Variants in TGFB2 observed in about 807,000 individuals in gnomAD.
TGFB2 encodes the protein transforming growth factor beta-2 proprotein.
TGFB2 carries 13 observed loss-of-function variants against 42.7 expected under a neutral mutation model. That is an observed-to-expected ratio of 0.30 (90% CI 0.20 to 0.48). TGFB2 has a LOEUF of 0.48. TGFB2 is among the 20% of genes least tolerant of loss of function. TGFB2 has a pLI of 0.99. For synonymous variants in TGFB2, 193 were observed against 193.6 expected (o/e 1.00, Z 0.03); for missense variants, 390 against 517.5 (o/e 0.75, Z 2.39).
chr1:218,404,864 A>G (rs778192377), intron 1 of TGFB2, among the ~76,000 whole-genome samples: 1 of 152,232 alleles, frequency 6.6e-6, no homozygotes, highest in Non-Finnish European at 1.5e-5. Context: ...ACTTGTTCCA[A>G]TTCAAAACCA....
intron 2 of TGFB2, among the ~76,000 whole-genome samples, chr1:218,432,891 G>A (rs548799033): frequency 6.6e-5 from 10 of 152,112 alleles, no homozygotes; most frequent in African/African-American, 2.4e-4. Flanking sequence ...GTTTCAGTAG[G>A]GATTTACTAT....
At chr1:218,417,405 G>A (rs545076434) in intron 2 of TGFB2, among the ~76,000 whole-genome samples, 3 of 152,316 alleles carry the variant, frequency 2.0e-5, no homozygotes, top group Admixed American at 6.5e-5. Context: ...GGTATCTGGT[G>A]AAAGAAACTT....
At chr1:218,400,965 C>T (rs1338837765) in intron 1 of TGFB2, among the ~76,000 whole-genome samples, 1 of 152,136 alleles carries the variant, frequency 6.6e-6, no homozygotes, top group East Asian at 1.9e-4. Flanking sequence ...AGGTCCCCAG[C>T]CCTCTGTGCA....
At chr1:218,347,997 G>A (rs1303823177) in intron 1 of TGFB2, among the ~76,000 whole-genome samples, 1 of 149,464 alleles carries the variant, frequency 6.7e-6, no homozygotes. Context: ...CTGGCATACA[G>A]TAGCAATAGG....
At chr1:218,358,033 C>T (rs1657096091) in intron 1 of TGFB2, among the ~76,000 whole-genome samples, 1 of 152,234 alleles carries the variant, frequency 6.6e-6, no homozygotes, top group Non-Finnish European at 1.5e-5. Flanking sequence ...ACAAATACCA[C>T]ATCTGTCTTG....
At chr1:218,382,503 A>G (rs970312427) in intron 1 of TGFB2, among the ~76,000 whole-genome samples, 1 of 152,236 alleles carries the variant, frequency 6.6e-6, no homozygotes, top group Non-Finnish European at 1.5e-5. Context: ...GCGCTCGCTG[A>G]TGTGAGACTG....
At chr1:218,419,244 A>G (rs954818595) in intron 2 of TGFB2, among the ~76,000 whole-genome samples, 1 of 151,776 alleles carries the variant, frequency 6.6e-6, no homozygotes, top group African/African-American at 2.4e-5. Context: ...TTCCTCAGAC[A>G]CTGCACTCAC....
intron 2 of TGFB2, among the ~76,000 whole-genome samples, chr1:218,427,768 A>G (rs1439641054): frequency 1.3e-5 from 2 of 152,132 alleles, no homozygotes; most frequent in Non-Finnish European, 2.9e-5. Flanking sequence ...AGTCTTTGCT[A>G]TTGTGAATAG....
intron 2 of TGFB2, among the ~76,000 whole-genome samples, chr1:218,423,157 C>A (rs868608907): frequency 6.6e-6 from 1 of 152,114 alleles, no homozygotes; most frequent in Non-Finnish European, 1.5e-5. Flanking sequence ...GAGAGAAAAT[C>A]TTGGTCTTTA....
At chr1:218,347,399 G>C (rs1656723387) in intron 1 of TGFB2, among the ~76,000 whole-genome samples, 1 of 152,182 alleles carries the variant, frequency 6.6e-6, no homozygotes, top group South Asian at 2.1e-4. Flanking sequence ...GAGTTAAACT[G>C]AGGAATCTTG....
chr1:218,419,278 T>A (rs1264192282), intron 2 of TGFB2, among the ~76,000 whole-genome samples: 2 of 152,196 alleles, frequency 1.3e-5, no homozygotes, highest in Non-Finnish European at 2.9e-5. Context: ...TTGTGGCCAC[T>A]GTTCCCTCCA....
rs1013306126 is a variant in TGFB2, at chr1:218,405,335, A to G, written c.510+3A>G. On this transcript the variant is annotated splice_donor_region_variant and intron_variant, in intron 2 of 6. Coordinates refer to ENST00000366930, the MANE Select transcript of TGFB2 (RefSeq NM_003238.6). ...AACAACGGATTGAGCTATATCAGGTAATGTTCATTTGTTGTTGTTGTTGTT... is the reference window on the plus strand; with the variant it reads ...AACAACGGATTGAGCTATATCAGGTGATGTTCATTTGTTGTTGTTGTTGTT... 6.2e-7 allele frequency: 1 copy of G among 1,609,684 alleles called. No homozygotes were observed. Among genetic ancestry groups the G allele is most frequent in the Non-Finnish European group, 8.5e-7 (1 of 1,179,134 alleles).
At chr1:218,423,158 T>C (rs529380377) in intron 2 of TGFB2, among the ~76,000 whole-genome samples, 105 of 152,258 alleles carry the variant, frequency 6.9e-4, no homozygotes, top group Admixed American at 1.1e-3. Context: ...AGAGAAAATC[T>C]TGGTCTTTAA....
At chr1:218,400,124 C>T (rs1658664520) in intron 1 of TGFB2, among the ~76,000 whole-genome samples, 3 of 151,784 alleles carry the variant, frequency 2.0e-5, no homozygotes, top group Admixed American at 2.0e-4. Context: ...TCCTTTAGTA[C>T]TTAAGAATCC....
chr1:218,401,654 G>T (rs914532711), intron 1 of TGFB2, among the ~76,000 whole-genome samples: 2 of 152,234 alleles, frequency 1.3e-5, no homozygotes, highest in African/African-American at 4.8e-5. Flanking sequence ...ATAGGAACTG[G>T]GATGCGCATT....
rs765295855 is a variant in TGFB2 at position 218,437,371 on chromosome 1, C to A, written c.961C>A (p.Pro321Thr). 5 of 1,606,800 alleles carry A rather than the reference C, an allele frequency of 3.1e-6. No homozygotes were observed. The highest frequency in any genetic ancestry group is 3.4e-5 in the Admixed American group (2 of 59,126). Reference protein sequence around the residue: ...RNVQDNCCLRPLYIDFKRDLG... With the variant: ...RNVQDNCCLRTLYIDFKRDLG... ...TGTGCAGGATAATTGCTGCCTACGT[C>A]CACTTTACATTGATTTCAAGAGGGA... The change falls in exon 6 of 7, where the codon CCA becomes ACA. Residue 321 changes from proline to threonine, a missense_variant. Pro to Thr is a conservative substitution (Grantham distance 38, BLOSUM62 -1). Coordinates refer to ENST00000366930, the MANE Select transcript of TGFB2 (RefSeq NM_003238.6).
At chr1:218,354,102 C>T (rs1447047507) in intron 1 of TGFB2, among the ~76,000 whole-genome samples, 2 of 152,022 alleles carry the variant, frequency 1.3e-5, no homozygotes, top group Admixed American at 6.6e-5. Context: ...TGTAGACTGC[C>T]CCAGGAACAG....
intron 1 of TGFB2, among the ~76,000 whole-genome samples, chr1:218,362,521 A>T (rs1259969283): frequency 6.6e-6 from 1 of 152,254 alleles, no homozygotes; most frequent in African/African-American, 2.4e-5. Flanking sequence ...ATTCACAGGA[A>T]ATCAGTGACA....
intron 1 of TGFB2, among the ~76,000 whole-genome samples, chr1:218,357,282 G>A (rs955343286): frequency 2.0e-5 from 3 of 151,986 alleles, no homozygotes; most frequent in African/African-American, 4.8e-5. Context: ...GGGGCTGGTC[G>A]AGAGTAACTG....
Sources: allele counts gnomAD v4.1 joint callset (sites outside exome capture counted in the v4.1 genomes callset), GRCh38; gene constraint gnomAD v4.1.1; transcripts MANE v1.5; gene names NCBI Gene and HGNC (gene_info 2026-07-23, HGNC 2026-07-21).